Variants in CFAP20DC observed in about 807,000 individuals in gnomAD.
CFAP20DC encodes the protein CFAP20 domain containing.
In CFAP20DC, 84 loss-of-function variants were observed where a neutral mutation model predicts 101.7. That is an observed-to-expected ratio of 0.83 (90% CI 0.69 to 0.99). CFAP20DC has a LOEUF of 0.99. Among genes scored for constraint, CFAP20DC ranks in the 50% least tolerant of loss-of-function variants. The pLI is 0.00. For synonymous variants in CFAP20DC, 359 were observed against 351.2 expected (o/e 1.02, Z -0.25); for missense variants, 1,007 against 970.3 (o/e 1.04, Z -0.50).
At chr3:58,949,413 G>T (rs188272686) in intron 4 of CFAP20DC, among the ~76,000 whole-genome samples, 163 of 151,962 alleles carry the variant, frequency 1.1e-3, no homozygotes, top group East Asian at 3.9e-4. Context: ...TTTCACTTGT[G>T]GGCATTTAGA....
intron 4 of CFAP20DC, among the ~76,000 whole-genome samples, chr3:58,960,291 G>A (rs556306826): frequency 2.0e-5 from 3 of 151,708 alleles, no homozygotes; most frequent in East Asian, 3.9e-4. Flanking sequence ...TCGGGAGTTC[G>A]GGACTAGCCT....
intron 4 of CFAP20DC, among the ~76,000 whole-genome samples, chr3:59,038,056 C>G (rs577046472): frequency 6.6e-6 from 1 of 152,026 alleles, no homozygotes; most frequent in African/African-American, 2.4e-5. Context: ...TGTTCTCACT[C>G]ATAAGTAAGA....
intron 4 of CFAP20DC, among the ~76,000 whole-genome samples, chr3:58,966,536 T>A (rs542370862): frequency 1.0e-3 from 130 of 125,594 alleles, no homozygotes; most frequent in African/African-American, 4.1e-3. Context: ...ATATATATAT[T>A]TTTTTTAGAC....
chr3:59,039,493 A>G (rs1019147172), intron 4 of CFAP20DC, 64 bp downstream of exon 4: 22 of 947,958 alleles, frequency 2.3e-5, no homozygotes, highest in African/African-American at 3.3e-5. Flanking sequence ...GATTGTTGGT[A>G]CTGCTTCAAT....
intron 13 of CFAP20DC, among the ~76,000 whole-genome samples, chr3:58,844,014 C>T (rs201278357): frequency 3.2e-5 from 3 of 95,076 alleles, no homozygotes; most frequent in African/African-American, 1.3e-4. Flanking sequence ...CTGAAGGAAG[C>T]GCTAAACATG....
intron 14 of CFAP20DC, among the ~76,000 whole-genome samples, chr3:58,816,980 C>A (rs1159321836): frequency 6.6e-6 from 1 of 152,164 alleles, no homozygotes. Context: ...GGGTCCCTGG[C>A]CCCTGACCCC....
chr3:58,959,850 C>T (rs1321465399), intron 4 of CFAP20DC, among the ~76,000 whole-genome samples: 2 of 152,216 alleles, frequency 1.3e-5, no homozygotes, highest in Non-Finnish European at 2.9e-5. Flanking sequence ...AGAAGATTGT[C>T]ATCTTAACAA....
intron 5 of CFAP20DC, among the ~76,000 whole-genome samples, chr3:58,916,901 T>A (rs1444888781): frequency 1.3e-5 from 2 of 152,166 alleles, no homozygotes; most frequent in Admixed American, 1.3e-4. Flanking sequence ...TTATCTGAGT[T>A]ACAGCTGAAC....
intron 14 of CFAP20DC, among the ~76,000 whole-genome samples, chr3:58,810,246 A>G (rs1471217575): frequency 5.3e-5 from 8 of 152,032 alleles, no homozygotes; most frequent in Non-Finnish European, 7.4e-5. Flanking sequence ...CAGAGACACA[A>G]CCAAAAAAGA....
intron 13 of CFAP20DC, among the ~76,000 whole-genome samples, chr3:58,838,723 A>T (rs1409340974): frequency 6.6e-6 from 1 of 152,216 alleles, no homozygotes; most frequent in African/African-American, 2.4e-5. Context: ...GAATTCTCTG[A>T]CAAATAGAGC....
intron 16 of CFAP20DC, among the ~76,000 whole-genome samples, chr3:58,746,132 C>A (rs1196570766): frequency 6.6e-6 from 1 of 151,972 alleles, no homozygotes; most frequent in Non-Finnish European, 1.5e-5. Flanking sequence ...ACAGAAAGAC[C>A]CCCAATTAGT....
At position 58,732,380 on chromosome 3, in the gene CFAP20DC, T is replaced by C. The variant is rs2067662222; in HGVS notation, c.198-14752A>G. Among the ~76,000 whole-genome samples, 1 of 152,124 alleles carries C rather than the reference T, an allele frequency of 6.6e-6. No individual in the cohort carries two copies. The highest frequency in any genetic ancestry group is 2.4e-5 in the African/African-American group (1 of 41,416). On this transcript the variant is annotated intron_variant, in intron 3 of 3. Transcript: ENST00000486145. This position sits in a 1 kb window ranked among gnomAD's most constrained non-coding sequence, Gnocchi z 5.4. ...CTAAGTAGTACTTGTTATGATAAAG[T>C]TGTAGATATTGTTTATAGAATGTGA...
intron 2 of CFAP20DC, among the ~76,000 whole-genome samples, 170 bp from the exon 3 acceptor site, chr3:59,046,492 G>A (rs886728452): frequency 6.6e-5 from 10 of 152,090 alleles, no homozygotes; most frequent in African/African-American, 1.7e-4. Flanking sequence ...ACTAGAATAC[G>A]GAGGCATGGT....
chr3:58,957,977 A>T (rs1269875952), intron 4 of CFAP20DC, among the ~76,000 whole-genome samples: 1 of 152,202 alleles, frequency 6.6e-6, no homozygotes, highest in Non-Finnish European at 1.5e-5. Flanking sequence ...TTAATTGTAC[A>T]TTTAAAAACT....
chr3:58,995,666 T>C (rs1475834787), intron 4 of CFAP20DC, among the ~76,000 whole-genome samples: 1 of 152,212 alleles, frequency 6.6e-6, no homozygotes, highest in African/African-American at 2.4e-5. Context: ...CACAAATCAG[T>C]AGACTGAGTG....
chr3:59,012,367 G>A (rs2108877819), intron 4 of CFAP20DC, among the ~76,000 whole-genome samples: 1 of 152,306 alleles, frequency 6.6e-6, no homozygotes, highest in East Asian at 1.9e-4. Flanking sequence ...GCATAAGGCT[G>A]AGGAAATATG....
chr3:58,898,675 C>G (rs549521705), intron 6 of CFAP20DC, among the ~76,000 whole-genome samples: 6 of 152,188 alleles, frequency 3.9e-5, no homozygotes, highest in Admixed American at 1.3e-4. Flanking sequence ...CCTTCTGAAG[C>G]CTACTTGTCA....
chr3:59,037,350 C>T (rs2094122862), intron 4 of CFAP20DC, among the ~76,000 whole-genome samples: 1 of 151,860 alleles, frequency 6.6e-6, no homozygotes, highest in Admixed American at 6.6e-5. Context: ...AGGCAACCTA[C>T]AGAATGGGAG....
rs868559764 is a variant in CFAP20DC, at chr3:58,819,627, A to C, written c.2175+12059T>G. Among the ~76,000 whole-genome samples the C allele has an allele frequency of 2.1e-4, 31 of 148,378 alleles. No individual in the cohort carries two copies. In the East Asian group the frequency reaches 2.3e-3, roughly 11 times the overall value. The stretch of plus-strand genomic sequence containing the variant: ...AATCTCTGAATAGACCAATAACAGG[A>C]TCTGAAATTGTGGCAATAATCAATA... On this transcript the variant is annotated intron_variant, in intron 14 of 16. Coordinates refer to ENST00000482387, the MANE Select transcript of CFAP20DC (RefSeq NM_001394063.1).
Sources: allele counts gnomAD v4.1 joint callset (sites outside exome capture counted in the v4.1 genomes callset), GRCh38; gene constraint gnomAD v4.1.1; non-coding constraint Gnocchi (gnomAD v3.1); transcripts MANE v1.5; gene names NCBI Gene and HGNC (gene_info 2026-07-23, HGNC 2026-07-21).